The following LIG1 variants were observed in gnomAD, a reference collection of about 807,000 sequenced individuals.
LIG1 encodes DNA ligase 1, also known as ligase I, DNA, ATP-dependent.
In LIG1, 70 loss-of-function variants were observed where a neutral mutation model predicts 115.7. The observed-to-expected ratio is 0.60, with a 90% CI of 0.50 to 0.74. The LOEUF (loss-of-function observed/expected upper bound fraction) is 0.74, where lower values mean the gene tolerates loss of function less well. Ranked by LOEUF, LIG1 falls within the 30% of genes least tolerant of loss-of-function variation. The pLI is 0.00. For synonymous variants in LIG1, 487 were observed against 495.3 expected (o/e 0.98, Z 0.22); for missense variants, 1,115 against 1,225.6 (o/e 0.91, Z 1.35).
intron 21 of LIG1, among the ~76,000 whole-genome samples, chr19:48,126,149 A>G (rs1367225782): frequency 2.6e-5 from 4 of 152,078 alleles, no homozygotes; most frequent in Non-Finnish European, 4.4e-5. Flanking sequence ...CTTACTGTAG[A>G]TCAAGAAACT....
In LIG1 at chr19:48,133,900, C is replaced by T. The variant is rs532940982; in HGVS notation, c.1609+81G>A. 888 of 1,140,392 alleles carry T rather than the reference C, an allele frequency of 7.8e-4. 6 individuals carry two copies. In the African/African-American group the frequency reaches 0.012, roughly 16 times the overall value. 70.6% of individuals were successfully genotyped at this position (1,140,392 alleles called of 1,614,324 possible). A position where few individuals can be genotyped will look rare whatever the true frequency, so the allele number is the denominator to read the frequency against. On this transcript the variant is annotated intron_variant, in intron 17 of 27. Transcript: ENST00000263274. ...AGGACTCTGCAAGTTCTGAGAGGGG[C>T]GCCTACGATGGCCACCCTCACGCCG...
In LIG1 at chr19:48,134,084, A is replaced by G. The variant is rs1341391816; in HGVS notation, c.1524-18T>C. The G allele has an allele frequency of 5.2e-6, 8 of 1,549,932 alleles. No individual in the cohort carries two copies. The Admixed American group carries it at 1.2e-4, about 23-fold the overall frequency. The stretch of plus-strand genomic sequence containing the variant: ...GAACCTCGCTGGGGTGGCGGGTGAG[A>G]ACAAGATAGGGGAAGCCTTTCTAGA... On this transcript the variant is annotated intron_variant, in intron 16 of 27. Transcript: ENST00000263274.
At chr19:48,164,723 G>A (rs1205425094) in intron 2 of LIG1, among the ~76,000 whole-genome samples, 1 of 152,216 alleles carries the variant, frequency 6.6e-6, no homozygotes, top group African/African-American at 2.4e-5. Context: ...CAAGCCTGAG[G>A]CTGTTTACTC....
At chr19:48,139,838 C>T in intron 12 of LIG1, 133 bp downstream of exon 12, 2 of 1,055,648 alleles carry the variant, frequency 1.9e-6, no homozygotes, top group Non-Finnish European at 2.9e-6. Flanking sequence ...CCATCAGGCT[C>T]TCCTCCCTCT....
At chr19:48,131,297 A>T in intron 18 of LIG1, 126 bp from the exon 19 acceptor site, 1 of 700,956 alleles carries the variant, frequency 1.4e-6, no homozygotes, top group Non-Finnish European at 2.6e-6. Context: ...TGGTGCAGAG[A>T]CTTGAGCGAA....
intron 7 of LIG1, 97 bp from the exon 8 acceptor site, chr19:48,150,307 T>C (rs2035390240): frequency 6.4e-7 from 1 of 1,563,314 alleles, no homozygotes; most frequent in Non-Finnish European, 8.7e-7. Flanking sequence ...ACCCTGCAGA[T>C]GGAAGATATA....
intron 11 of LIG1, among the ~76,000 whole-genome samples, chr19:48,142,979 C>T (rs994029376): frequency 3.3e-5 from 5 of 152,018 alleles, no homozygotes; most frequent in African/African-American, 1.2e-4. Context: ...TACACAGGGG[C>T]GAGTGCTGGG....
chr19:48,121,845 C>T (rs1267826350), intron 23 of LIG1, among the ~76,000 whole-genome samples: 2 of 152,122 alleles, frequency 1.3e-5, no homozygotes, highest in African/African-American at 4.8e-5. Context: ...GAAACGCAGG[C>T]GGGATCGATG....
At position 48,138,153 on chromosome 19, in the gene LIG1, C is replaced by T. The variant is rs532360248; in HGVS notation, c.1088-465G>A. 2.0e-5 allele frequency among the ~76,000 whole-genome samples: 3 copies of T among 152,190 alleles called. No homozygotes were observed. The East Asian group carries it at 5.8e-4, about 29-fold the overall frequency. On this transcript the variant is annotated intron_variant, in intron 12 of 27. Coordinates refer to ENST00000263274, the MANE Select transcript of LIG1 (RefSeq NM_000234.3). ...TACACACGTGGGATGTGCTCTGGCC[C>T]CACTTACTGTCCAGAGCTGGGTCCC...
intron 3 of LIG1, among the ~76,000 whole-genome samples, 183 bp from the exon 4 acceptor site, chr19:48,161,690 G>A (rs3730860): frequency 0.15 from 22,852 of 151,882 alleles, 2,163 homozygotes; most frequent in African/African-American, 0.27. Flanking sequence ...TAATCCACCC[G>A]CCCACTCATC....
chr19:48,165,508 A>T, intron 2 of LIG1, 42 bp downstream of exon 2: 1 of 1,378,302 alleles, frequency 7.3e-7, no homozygotes, highest in Non-Finnish European at 1.0e-6. Context: ...GAAACAGAGG[A>T]CTTGGAGAAG....
At chr19:48,142,043 T>C (rs1232050235) in intron 11 of LIG1, among the ~76,000 whole-genome samples, 1 of 152,192 alleles carries the variant, frequency 6.6e-6, no homozygotes, top group African/African-American at 2.4e-5. Flanking sequence ...GGCTCAGGCC[T>C]GTAATCCCAG....
intron 9 of LIG1, among the ~76,000 whole-genome samples, chr19:48,144,318 C>T (rs3730928): frequency 2.9e-4 from 44 of 152,220 alleles, no homozygotes; most frequent in Non-Finnish European, 3.1e-4. Flanking sequence ...CAGCAGGGGA[C>T]GAGCATTCCA....
At chr19:48,161,205 G>A in intron 4 of LIG1, 167 bp downstream of exon 4, 3 of 958,328 alleles carry the variant, frequency 3.1e-6, no homozygotes, top group Non-Finnish European at 4.9e-6. Context: ...CCTAGGGCAG[G>A]GGCAATTAGG....
chr19:48,135,640 C>T, intron 16 of LIG1, 40 bp downstream of exon 16: 1 of 1,531,766 alleles, frequency 6.5e-7, no homozygotes, highest in African/African-American at 1.4e-5. Flanking sequence ...GGCACTCTGC[C>T]CACAGCCCCT....
chr19:48,119,344 G>C (rs564784083), intron 24 of LIG1, among the ~76,000 whole-genome samples, 154 bp from the exon 25 acceptor site: 2 of 152,108 alleles, frequency 1.3e-5, no homozygotes, highest in Admixed American at 1.3e-4. Flanking sequence ...TGGGGGTGCG[G>C]AGCATCCATC....
At chr19:48,162,418 G>T in intron 2 of LIG1, 67 bp from the exon 3 acceptor site, 72 of 990,364 alleles carry the variant, frequency 7.3e-5, no homozygotes, top group Non-Finnish European at 1.0e-4. Context: ...TATCTATGCT[G>T]TATCCTATAA....
At chr19:48,136,492 C>T (rs1053893800) in intron 14 of LIG1, among the ~76,000 whole-genome samples, 1 of 152,166 alleles carries the variant, frequency 6.6e-6, no homozygotes, top group Admixed American at 6.5e-5. Context: ...ATGGTCCTTG[C>T]TTTGAGCCAG....
At chr19:48,116,404 C>A (rs550491073) in intron 26 of LIG1, among the ~76,000 whole-genome samples, 35 of 146,628 alleles carry the variant, frequency 2.4e-4, no homozygotes, top group Non-Finnish European at 4.9e-4. Context: ...GCTGAGATTG[C>A]GCCACTGTAC....
Sources: allele counts gnomAD v4.1 joint callset (sites outside exome capture counted in the v4.1 genomes callset), GRCh38; gene constraint gnomAD v4.1.1; transcripts MANE v1.5; gene names NCBI Gene and HGNC (gene_info 2026-07-23, HGNC 2026-07-21).